The following MAN2A1 variants were observed in gnomAD, a reference collection of about 807,000 sequenced individuals.
The protein encoded by MAN2A1 is alpha-mannosidase 2.
MAN2A1 carries 76 observed loss-of-function variants against 142.6 expected under a neutral mutation model. That is an observed-to-expected ratio of 0.53 (90% confidence interval 0.44 to 0.65). The LOEUF is 0.65. Ranked by LOEUF, MAN2A1 falls within the 30% of genes least tolerant of loss-of-function variation. The pLI, the probability that MAN2A1 is intolerant of heterozygous loss-of-function variation, is 0.00. For missense variants in MAN2A1, 1,311 were observed against 1,365.1 expected, an observed-to-expected ratio of 0.96 and a Z score of 0.62; for synonymous variants, 559 against 473.2, an observed-to-expected ratio of 1.18 and a Z score of -2.35.
At chr5:109,790,606 G>T (rs920023347) in intron 12 of MAN2A1, among the ~76,000 whole-genome samples, 1 of 151,958 alleles carries the variant, frequency 6.6e-6, no homozygotes, top group Non-Finnish European at 1.5e-5. Flanking sequence ...ATTACAAAAT[G>T]TTTTCTTTGT....
At chr5:109,809,173 G>T (rs1432670657) in intron 12 of MAN2A1, among the ~76,000 whole-genome samples, 2 of 152,012 alleles carry the variant, frequency 1.3e-5, no homozygotes, top group East Asian at 3.9e-4. Context: ...TAATATTTTG[G>T]TAAGTCATCA....
intron 16 of MAN2A1, among the ~76,000 whole-genome samples, chr5:109,833,502 C>T (rs1305598726): frequency 3.9e-5 from 6 of 152,204 alleles, no homozygotes; most frequent in African/African-American, 1.4e-4. Flanking sequence ...ACCCCGTCTC[C>T]ACCAAAAAAA....
At chr5:109,865,633 C>T (rs572277952) in intron 21 of MAN2A1, among the ~76,000 whole-genome samples, 11 of 152,316 alleles carry the variant, frequency 7.2e-5, no homozygotes, top group South Asian at 2.1e-4. Flanking sequence ...GGCAGCTGTA[C>T]GTAGCGCCAA....
At chr5:109,837,018 C>G (rs137987968) in intron 16 of MAN2A1, among the ~76,000 whole-genome samples, 1 of 151,034 alleles carries the variant, frequency 6.6e-6, no homozygotes, top group Non-Finnish European at 1.5e-5. Context: ...TGTGACACAG[C>G]ATTCCATAAC....
At chr5:109,734,333 T>C (rs1752019215) in intron 4 of MAN2A1, among the ~76,000 whole-genome samples, 1 of 151,896 alleles carries the variant, frequency 6.6e-6, no homozygotes, top group South Asian at 2.1e-4. Context: ...GCTGGATTCA[T>C]TGATTTTTTT....
chr5:109,720,388 G>T (rs916836503), intron 3 of MAN2A1, among the ~76,000 whole-genome samples: 6 of 152,070 alleles, frequency 3.9e-5, no homozygotes, highest in Non-Finnish European at 5.9e-5. Context: ...TTTTTTGTGT[G>T]TGTAAAATTA....
At chr5:109,798,962 G>T (rs1184668027) in intron 12 of MAN2A1, among the ~76,000 whole-genome samples, 2 of 152,084 alleles carry the variant, frequency 1.3e-5, no homozygotes, top group East Asian at 3.9e-4. Flanking sequence ...AAAGTGCTGG[G>T]ATTACAGGTG....
At position 109,713,236 on chromosome 5, in the gene MAN2A1, G is replaced by T. The variant is rs113080081; in HGVS notation, c.136-284G>T. Among the ~76,000 whole-genome samples, 81 of 152,236 alleles carry T rather than the reference G, an allele frequency of 5.3e-4. 1 individual carries two copies. The highest frequency in any genetic ancestry group is 1.8e-3 in the African/African-American group (74 of 41,522). On this transcript the variant is annotated intron_variant, in intron 1 of 21. Transcript: ENST00000261483. ...CCAAAGATATTTTAGGACTGAGTTTGGGGGGAACAGAAATATTTCCCAAAA... is the reference window on the plus strand; with the variant it reads ...CCAAAGATATTTTAGGACTGAGTTTTGGGGGAACAGAAATATTTCCCAAAA...
At chr5:109,748,988 T>C (rs1429765028) in intron 4 of MAN2A1, among the ~76,000 whole-genome samples, 1 of 151,902 alleles carries the variant, frequency 6.6e-6, no homozygotes, top group African/African-American at 2.4e-5. Context: ...TATAAGTTGA[T>C]TCATTGGGAG....
At chr5:109,733,609 A>G (rs574076386) in intron 4 of MAN2A1, among the ~76,000 whole-genome samples, 26 of 152,224 alleles carry the variant, frequency 1.7e-4, no homozygotes, top group Admixed American at 4.6e-4. Flanking sequence ...TTCTGCATCT[A>G]TTGAGATAAT....
At chr5:109,798,325 C>A (rs1753916867) in intron 12 of MAN2A1, among the ~76,000 whole-genome samples, 1 of 152,206 alleles carries the variant, frequency 6.6e-6, no homozygotes, top group Admixed American at 6.5e-5. Context: ...CCTTCACTTA[C>A]TATCAGTGTA....
chr5:109,730,244 A>T (rs1174986375), intron 4 of MAN2A1, among the ~76,000 whole-genome samples: 2 of 152,130 alleles, frequency 1.3e-5, no homozygotes, highest in Non-Finnish European at 2.9e-5. Flanking sequence ...TTTGATTGGT[A>T]ACAGTGTTGC....
chr5:109,771,484 C>T (rs1210576303), intron 7 of MAN2A1, among the ~76,000 whole-genome samples: 1 of 152,260 alleles, frequency 6.6e-6, no homozygotes, highest in South Asian at 2.1e-4. Context: ...TTTAGCATGG[C>T]AGCCTTCTTA....
chr5:109,863,226 G>C (rs980135226), intron 20 of MAN2A1: 3 of 152,188 alleles, frequency 2.0e-5, no homozygotes, highest in Admixed American at 2.0e-4. Flanking sequence ...TTATGACTTT[G>C]ATGTACGACT....
intron 19 of MAN2A1, among the ~76,000 whole-genome samples, chr5:109,851,735 A>T (rs1755488024): frequency 6.6e-6 from 1 of 152,126 alleles, no homozygotes; most frequent in Non-Finnish European, 1.5e-5. Context: ...GTTTATCCTT[A>T]CCCCTTTCCT....
At chr5:109,764,334 C>T (rs1054075670) in intron 5 of MAN2A1, among the ~76,000 whole-genome samples, 1 of 152,092 alleles carries the variant, frequency 6.6e-6, no homozygotes, top group African/African-American at 2.4e-5. Context: ...GTATTTTGAA[C>T]AGTTTTTACT....
At chr5:109,754,750 C>T (rs1366220128) in intron 4 of MAN2A1, among the ~76,000 whole-genome samples, 2 of 152,184 alleles carry the variant, frequency 1.3e-5, no homozygotes, top group Non-Finnish European at 2.9e-5. Context: ...GCCTGTAATC[C>T]CAGCACTTTG....
intron 2 of MAN2A1, 65 bp downstream of exon 2, chr5:109,713,839 C>T: frequency 6.8e-7 from 1 of 1,470,936 alleles, no homozygotes; most frequent in Non-Finnish European, 9.2e-7. Context: ...AAGATTTGAC[C>T]TGATGTCTGT....
chr5:109,847,910 A>G (rs927013953), intron 19 of MAN2A1, 120 bp downstream of exon 19: 43 of 641,168 alleles, frequency 6.7e-5, no homozygotes, highest in Non-Finnish European at 8.6e-5. Context: ...ATTTCTTTAT[A>G]GTAGATGTGG....
Sources: allele counts gnomAD v4.1 joint callset (sites outside exome capture counted in the v4.1 genomes callset), GRCh38; gene constraint gnomAD v4.1.1; transcripts MANE v1.5; gene names NCBI Gene and HGNC (gene_info 2026-07-23, HGNC 2026-07-21).